Variants in KIF24 observed in about 807,000 individuals in gnomAD.
KIF24 encodes kinesin family member 24.
Under a neutral mutation model 118.9 loss-of-function variants are expected in KIF24, and 81 were observed. The observed-to-expected ratio is 0.68, with a 90% confidence interval of 0.57 to 0.82. The LOEUF is 0.82. Ranked by LOEUF, KIF24 falls within the 40% of genes least tolerant of loss-of-function variation. The probability of loss-of-function intolerance (pLI) is 0.00; values close to 1 mark genes in which losing one functional copy is unlikely to be tolerated. For synonymous variants in KIF24, 599 were observed against 610.0 expected, an observed-to-expected ratio of 0.98 and a Z score of 0.27; for missense variants, 1,560 against 1,661.6, an observed-to-expected ratio of 0.94 and a Z score of 1.06.
chr9:34,264,666 C>T (rs1003628749), intron 8 of KIF24, among the ~76,000 whole-genome samples: 4 of 152,112 alleles, frequency 2.6e-5, no homozygotes, highest in Non-Finnish European at 5.9e-5. Flanking sequence ...GAAGATTCTC[C>T]ACTGAGAACG....
At chr9:34,306,219 A>C in intron 3 of KIF24, 33 bp downstream of exon 3, 1 of 1,426,198 alleles carries the variant, frequency 7.0e-7, no homozygotes, top group Non-Finnish European at 9.7e-7. Flanking sequence ...ACTTGATAAT[A>C]TTAGTTCCAA....
At chr9:34,300,757 A>C (rs1314024947) in intron 3 of KIF24, among the ~76,000 whole-genome samples, 2 of 151,198 alleles carry the variant, frequency 1.3e-5, no homozygotes, top group Non-Finnish European at 2.9e-5. Context: ...TCAAATTATC[A>C]CCATAGGTTT....
chr9:34,273,062 TACAGAGCAAGACCC>T (rs1269356800), intron 6 of KIF24, among the ~76,000 whole-genome samples: 2 of 152,102 alleles, frequency 1.3e-5, no homozygotes, highest in African/African-American at 4.8e-5. Context: ...GAGCTGTGAT[TACAGAGCAAGACCC>T]TGTCTCAAAA....
In KIF24 at chr9:34,257,683, C is replaced by T. The variant is rs768210176; in HGVS notation, c.1924G>A (p.Val642Ile). The T allele has an allele frequency of 6.2e-7, 1 of 1,614,038 alleles. No homozygotes were observed. Reference sequence around the variant, plus strand: ...CCTTTCACAGGGCTAGCATGAATGACCCACTCTTGTGAAGGACTCCCTCTG... The same window carrying T: ...CCTTTCACAGGGCTAGCATGAATGATCCACTCTTGTGAAGGACTCCCTCTG... ...GSRGSPSQEW[V>I]IHASPVKGTV... The change falls in exon 11 of 13, where the codon GTC becomes ATC. Residue 642 changes from valine to isoleucine, a missense_variant. Transcript: ENST00000402558.
In KIF24 at chr9:34,256,395, A is replaced by C. The variant is rs754165368; in HGVS notation, c.3212T>G (p.Leu1071Arg). The C allele has an allele frequency of 1.9e-6, 3 of 1,613,956 alleles. No homozygotes were observed. In the South Asian group the frequency reaches 3.3e-5, roughly 18 times the overall value. ...ACTGTGCGTAGCCCCATCCTGGACCAGCTGCTCCGAGGGAGGAGACCCTTC... is the reference window on the plus strand; with the variant it reads ...ACTGTGCGTAGCCCCATCCTGGACCCGCTGCTCCGAGGGAGGAGACCCTTC... The part of the protein sequence containing the change: ...DNEGSPPSEQ[L>R]VQDGATHSLV... The change falls in exon 11 of 13, where the codon CTG becomes CGG. Residue 1071 changes from leucine to arginine, a missense_variant. This residue lies in a region of KIF24 where 591 missense variants were observed against 655.6 expected (regional missense o/e 0.90). Coordinates refer to ENST00000402558, the MANE Select transcript of KIF24 (RefSeq NM_194313.4).
intron 9 of KIF24, among the ~76,000 whole-genome samples, chr9:34,261,825 C>T (rs1433370475): frequency 2.7e-5 from 4 of 147,162 alleles, no homozygotes; most frequent in Non-Finnish European, 4.5e-5. Context: ...CTGCCTGAAG[C>T]CATTATTTTT....
chr9:34,257,243 C>T lies in KIF24; in HGVS notation c.2364G>A (p.Arg788=). 2 of 1,613,968 alleles carry T rather than the reference C, an allele frequency of 1.2e-6. No individual in the cohort carries two copies. Among genetic ancestry groups the T allele is most frequent in the Non-Finnish European group, 8.5e-7 (1 of 1,179,898 alleles). Residue 788 remains arginine, a synonymous_variant, in exon 11 of 13, where the codon AGG becomes AGA. Transcript: ENST00000402558. The part of the protein sequence containing the change: ...QQKLKYQPLK[R]SLRQYRPPEG... ...CTGGGGGCCTGTACTGGCGTAAAGA[C>T]CTTTTCAGTGGTTGGTATTTTAACT...
chr9:34,329,847 G>A (rs185212525), upstream of KIF24, among the ~76,000 whole-genome samples: 91 of 142,088 alleles, frequency 6.4e-4, no homozygotes, highest in African/African-American at 2.3e-3. Context: ...CGTCGGAGTG[G>A]GGATAGGGTG....
At chr9:34,319,899 A>G (rs1837459396) in intron 1 of KIF24, among the ~76,000 whole-genome samples, 1 of 152,194 alleles carries the variant, frequency 6.6e-6, no homozygotes, top group South Asian at 2.1e-4. Flanking sequence ...TACCTGGGCC[A>G]TAATCATCCT....
chr9:34,313,723 C>G (rs1373609935), intron 1 of KIF24, among the ~76,000 whole-genome samples: 1 of 148,864 alleles, frequency 6.7e-6, no homozygotes, highest in Non-Finnish European at 1.5e-5. Context: ...ACATGTATAG[C>G]TTCCCCCGTT....
At position 34,259,666 on chromosome 9, in the gene KIF24, T is replaced by C. The variant is rs74327675; in HGVS notation, c.1555A>G (p.Met519Val). Reference protein sequence around the residue: ...DSFIGNAKTCMIANISPSHVA... With the variant: ...DSFIGNAKTCVIANISPSHVA... ...TGGCTTGGTGAGATGTTGGCGATCA[T>C]GCAGGTTTTGGCATTGCCGATGAAA... The change falls in exon 10 of 13, where the codon ATG (methionine) becomes GTG (valine). Residue 519 changes from methionine to valine, a missense_variant. Coordinates refer to ENST00000402558, the MANE Select transcript of KIF24 (RefSeq NM_194313.4). The C allele has an allele frequency of 4.3e-6, 7 of 1,613,944 alleles. No homozygotes were observed. Among genetic ancestry groups the C allele is most frequent in the Non-Finnish European group, 4.2e-6 (5 of 1,179,832 alleles).
At chr9:34,314,675 A>G (rs1375554625) in intron 1 of KIF24, among the ~76,000 whole-genome samples, 1 of 152,240 alleles carries the variant, frequency 6.6e-6, no homozygotes, top group Non-Finnish European at 1.5e-5. Flanking sequence ...TTCTACCTCT[A>G]GGAACCTATC....
chr9:34,288,881 C>G (rs546265235), intron 5 of KIF24, among the ~76,000 whole-genome samples: 188 of 149,056 alleles, frequency 1.3e-3, no homozygotes, highest in East Asian at 6.5e-3. Flanking sequence ...CACACACACA[C>G]ACACACACAC....
At chr9:34,294,442 G>C (rs1836382449) in intron 4 of KIF24, among the ~76,000 whole-genome samples, 1 of 152,104 alleles carries the variant, frequency 6.6e-6, no homozygotes, top group Non-Finnish European at 1.5e-5. Context: ...CAGCTACTTG[G>C]GAGGCTGAGG....
chr9:34,275,902 C>T (rs190605209), intron 6 of KIF24, among the ~76,000 whole-genome samples: 1 of 152,320 alleles, frequency 6.6e-6, no homozygotes, highest in Non-Finnish European at 1.5e-5. Flanking sequence ...CAAAGATTAT[C>T]TCCACCTAAC....
chr9:34,307,438 A>C (rs1836967904), intron 2 of KIF24, among the ~76,000 whole-genome samples: 1 of 152,172 alleles, frequency 6.6e-6, no homozygotes, highest in Admixed American at 6.5e-5. Context: ...TTCTAATATA[A>C]TGAATGCATA....
At chr9:34,323,692 T>C (rs756566865) in intron 1 of KIF24, among the ~76,000 whole-genome samples, 1 of 152,210 alleles carries the variant, frequency 6.6e-6, no homozygotes, top group Non-Finnish European at 1.5e-5. Context: ...ATTCTTTCAG[T>C]CCCTTTGGGA....
chr9:34,288,615 A>G (rs1836137826), intron 5 of KIF24, among the ~76,000 whole-genome samples: 1 of 151,452 alleles, frequency 6.6e-6, no homozygotes, highest in Non-Finnish European at 1.5e-5. Context: ...AGACAATTAA[A>G]TGGATATATA....
upstream of KIF24, among the ~76,000 whole-genome samples, chr9:34,333,644 CAAAAAAAAAAAAAAAAAA>C (rs34830977): frequency 8.5e-5 from 4 of 47,092 alleles, no homozygotes; most frequent in Non-Finnish European, 1.4e-4. Context: ...GAGACATTGT[CAAAAAAAAAAAAAAAAAA>C]AAAAAAAAAA....
Sources: gnomAD v4.1 joint callset for allele counts (sites outside exome capture counted in the v4.1 genomes callset) on GRCh38, gnomAD v4.1.1 for gene constraint, gnomAD v4.1.1 regional missense constraint, MANE v1.5 for transcripts, NCBI Gene and HGNC (gene_info 2026-07-23, HGNC 2026-07-21) for gene names.